Variants in FNIP1 observed in about 807,000 individuals in gnomAD.
FNIP1 encodes folliculin interacting protein 1.
A neutral mutation model predicts 124.5 loss-of-function variants in FNIP1; 40 were observed. That is an observed-to-expected ratio of 0.32 (90% CI 0.25 to 0.42). The LOEUF is 0.42. Ranked by LOEUF, FNIP1 falls within the 10% of genes least tolerant of loss-of-function variation. The pLI is 1.00. For synonymous variants in FNIP1, 472 were observed against 470.6 expected, an observed-to-expected ratio of 1.00 and a Z score of -0.04; for missense variants, 1,176 against 1,403.7, an observed-to-expected ratio of 0.84 and a Z score of 2.59.
intron 1 of FNIP1, among the ~76,000 whole-genome samples, chr5:131,774,052 G>A (rs1771726172): frequency 6.6e-6 from 1 of 152,194 alleles, no homozygotes; most frequent in Non-Finnish European, 1.5e-5. Flanking sequence ...TTTTGAGACA[G>A]AGTCTCATTC....
chr5:131,700,799 T>A (rs1768872975), intron 10 of FNIP1, among the ~76,000 whole-genome samples: 1 of 152,106 alleles, frequency 6.6e-6, no homozygotes, highest in East Asian at 1.9e-4. Flanking sequence ...TGGTACAATA[T>A]TCACTATTAT....
intron 11 of FNIP1, among the ~76,000 whole-genome samples, chr5:131,690,268 G>T (rs889500118): frequency 1.3e-5 from 2 of 151,880 alleles, no homozygotes; most frequent in South Asian, 4.1e-4. Flanking sequence ...TAAAAGTTAA[G>T]GTATAGAAAA....
At position 131,681,318 on chromosome 5, in the gene FNIP1, A is replaced by C. The variant is rs1417536626; in HGVS notation, c.1203-2143T>G. On this transcript the variant is annotated intron_variant, in intron 11 of 17. Coordinates refer to ENST00000510461, the MANE Select transcript of FNIP1 (RefSeq NM_133372.3). The stretch of plus-strand genomic sequence containing the variant: ...TTCTTCAGGTAATGATAATAAAAAA[A>C]GGTTGAAAAACACTGCCCTGAAGTG... Among the ~76,000 whole-genome samples the C allele has an allele frequency of 2.6e-5, 4 of 152,330 alleles. No individual in the cohort carries two copies. The South Asian group carries it at 8.3e-4, about 32-fold the overall frequency.
intron 10 of FNIP1, among the ~76,000 whole-genome samples, chr5:131,702,894 G>A (rs1432300376): frequency 1.3e-5 from 2 of 151,852 alleles, no homozygotes; most frequent in African/African-American, 4.8e-5. Flanking sequence ...TTCTCATCTC[G>A]TCAAACTCTT....
chr5:131,693,333 C>CACATAT (rs1290529554), intron 11 of FNIP1, among the ~76,000 whole-genome samples: 8 of 50,124 alleles, frequency 1.6e-4, no homozygotes, highest in African/African-American at 4.8e-4. Flanking sequence ...TATATATATA[C>CACATAT]ATATATATAT....
intron 9 of FNIP1, among the ~76,000 whole-genome samples, chr5:131,704,553 C>T (rs1580770208): frequency 1.3e-5 from 2 of 152,068 alleles, no homozygotes; most frequent in African/African-American, 4.8e-5. Flanking sequence ...CAAAAAGTGG[C>T]TAAATTTTAA....
At chr5:131,744,718 G>T in intron 1 of FNIP1, 28 bp from the exon 2 acceptor site, 1 of 1,583,396 alleles carries the variant, frequency 6.3e-7, no homozygotes, top group South Asian at 1.2e-5. Flanking sequence ...GAAAAGTAAA[G>T]ATCCATTAGA....
chr5:131,683,120 G>A (rs1253055328), intron 11 of FNIP1, among the ~76,000 whole-genome samples: 2 of 152,042 alleles, frequency 1.3e-5, no homozygotes, highest in Non-Finnish European at 1.5e-5. Flanking sequence ...TAAAGATTAT[G>A]TCATTGTTAA....
At chr5:131,662,516 A>G (rs1315335684) in intron 15 of FNIP1, among the ~76,000 whole-genome samples, 1 of 152,180 alleles carries the variant, frequency 6.6e-6, no homozygotes, top group Non-Finnish European at 1.5e-5. Flanking sequence ...GGGAAAGACA[A>G]CAGCAGTCAC....
intron 1 of FNIP1, among the ~76,000 whole-genome samples, chr5:131,755,075 T>C (rs1561691476): frequency 6.6e-6 from 1 of 151,494 alleles, no homozygotes; most frequent in African/African-American, 2.4e-5. Context: ...CCAGATTGAG[T>C]TCAAGGGGGC....
At position 131,713,890 on chromosome 5, in the gene FNIP1, T is replaced by C. The variant is rs528788964; in HGVS notation, c.622+2675A>G. Among the ~76,000 whole-genome samples the C allele has an allele frequency of 7.9e-5, 12 of 152,344 alleles. No homozygotes were observed. The East Asian group carries it at 2.3e-3, about 29-fold the overall frequency. On this transcript the variant is annotated intron_variant, in intron 6 of 17. Coordinates refer to ENST00000510461, the MANE Select transcript of FNIP1 (RefSeq NM_133372.3). Reference sequence around the variant, plus strand: ...TGGAGTAACATGATCAGCCTTCTAATATGGGCCTTTTCTCAATCCCACTTA... The same window carrying C: ...TGGAGTAACATGATCAGCCTTCTAACATGGGCCTTTTCTCAATCCCACTTA...
At chr5:131,685,829 T>A (rs1316207073) in intron 11 of FNIP1, among the ~76,000 whole-genome samples, 4 of 152,064 alleles carry the variant, frequency 2.6e-5, no homozygotes, top group Non-Finnish European at 5.9e-5. Context: ...CAACTGTAGA[T>A]TAAATTTAGA....
chr5:131,661,108 C>T (rs1373761643), intron 15 of FNIP1, among the ~76,000 whole-genome samples: 1 of 152,042 alleles, frequency 6.6e-6, no homozygotes, highest in Non-Finnish European at 1.5e-5. Context: ...GGGGAGACTT[C>T]TCCTCAATCA....
chr5:131,705,657 G>T (rs1769084380), intron 9 of FNIP1, among the ~76,000 whole-genome samples: 1 of 152,120 alleles, frequency 6.6e-6, no homozygotes, highest in South Asian at 2.1e-4. Flanking sequence ...AAATGGTACA[G>T]TAACCATGGA....
At chr5:131,770,953 T>C (rs1771612107) in intron 1 of FNIP1, among the ~76,000 whole-genome samples, 1 of 152,214 alleles carries the variant, frequency 6.6e-6, no homozygotes, top group African/African-American at 2.4e-5. Flanking sequence ...TTTTTATTAT[T>C]ATACTTTAAG....
intron 4 of FNIP1, 77 bp from the exon 5 acceptor site, chr5:131,719,137 G>T: frequency 2.9e-6 from 4 of 1,400,512 alleles, no homozygotes; most frequent in East Asian, 2.3e-5. Flanking sequence ...ATAAAAATGT[G>T]TAAGTCACAG....
At chr5:131,692,176 G>A (rs566747266) in intron 11 of FNIP1, among the ~76,000 whole-genome samples, 1 of 152,144 alleles carries the variant, frequency 6.6e-6, no homozygotes, top group South Asian at 2.1e-4. Context: ...AACAACTGTT[G>A]GAACTAATAA....
chr5:131,779,420 C>T (rs1771921757), intron 1 of FNIP1, among the ~76,000 whole-genome samples: 2 of 152,100 alleles, frequency 1.3e-5, no homozygotes, highest in South Asian at 2.1e-4. Context: ...TGGCTTACGC[C>T]TGTAATCCCA....
intron 2 of FNIP1, among the ~76,000 whole-genome samples, chr5:131,735,682 T>C (rs1770277282): frequency 6.7e-6 from 1 of 150,250 alleles, no homozygotes; most frequent in Admixed American, 6.7e-5. Context: ...ATAAAATATG[T>C]ATATTAGAAG....
Sources: gnomAD v4.1 joint callset for allele counts (sites outside exome capture counted in the v4.1 genomes callset) on GRCh38, gnomAD v4.1.1 for gene constraint, MANE v1.5 for transcripts, NCBI Gene and HGNC (gene_info 2026-07-23, HGNC 2026-07-21) for gene names.